Variants in C2CD4B observed in about 807,000 individuals in gnomAD.
C2CD4B encodes C2 calcium-dependent domain-containing protein 4B.
For missense variants in C2CD4B, 644 were observed against 577.7 expected, an observed-to-expected ratio of 1.11 and a Z score of -1.18; for synonymous variants, 347 against 284.9, an observed-to-expected ratio of 1.22 and a Z score of -2.20.
Position 62,163,715 on chromosome 15 carries a change from G to A in C2CD4B, c.*175C>T, listed in dbSNP as rs1239093323. The stretch of plus-strand genomic sequence containing the variant: ...ATGGGGGTCCTGTGAACAGAACAGG[G>A]AGTCATTATCTTTTTCTTCTTTACC... On this transcript the variant is annotated 3_prime_UTR_variant, in exon 2 of 2. Coordinates refer to ENST00000380392, the MANE Select transcript of C2CD4B (RefSeq NM_001007595.3). 3 of 953,258 alleles carry A rather than the reference G, an allele frequency of 3.1e-6. No homozygotes were observed. Among genetic ancestry groups the A allele is most frequent in the Non-Finnish European group, 4.3e-6 (3 of 704,432 alleles). 59.0% of individuals were successfully genotyped at this position (953,258 alleles called of 1,614,324 possible).
chr15:62,164,493 C>T lies in C2CD4B; in HGVS notation c.492G>A (p.Gln164=). 1 of 1,231,736 alleles carries T rather than the reference C, an allele frequency of 8.1e-7. No individual in the cohort carries two copies. Among genetic ancestry groups the T allele is most frequent in the Non-Finnish European group, 1.0e-6 (1 of 990,602 alleles). 76.3% of individuals were successfully genotyped at this position (1,231,736 alleles called of 1,614,324 possible). Residue 164 remains glutamine, a synonymous_variant, in exon 2 of 2, where the codon CAG becomes CAA. Transcript: ENST00000380392. ...PAAPGGPRLP[Q]DALAAGPRRC... ...GGCGGGGCCCCGCAGCGAGCGCGTC[C>T]TGGGGCAGGCGGGGACCGCCGGGGG... is the stretch of plus-strand genomic sequence containing the variant.
Position 62,164,048 on chromosome 15 carries a change from C to A in C2CD4B, c.937G>T (p.Ala313Ser), listed in dbSNP as rs780498555. 4.4e-6 allele frequency: 7 copies of A among 1,593,658 alleles called. No individual in the cohort carries two copies. The Admixed American group carries it at 1.2e-4, about 27-fold the overall frequency. ...AAGCAAAAGTCCTGGTCAAAGGAGG[C>A]CTTGCGGCTGCGCCCCACCACAGCG... The part of the protein sequence containing the change: ...CSAVVGRSRK[A>S]SFDQDFCFDG... The change falls in exon 2 of 2, where the codon GCC (alanine) becomes TCC (serine). Residue 313 changes from alanine to serine, a missense_variant. By Grantham distance (99) the Ala-to-Ser change is moderately conservative. Transcript: ENST00000380392.
At position 62,164,920 on chromosome 15, in the gene C2CD4B, G is replaced by T; in HGVS notation, c.65C>A (p.Ala22Asp). ...AGSSAPKPAF[A>D]KVLTPNRIPE... ...GATGCGATTCGGCGTGAGCACTTTG[G>T]CGAAGGCGGGCTTCGGCGCGGAGCT... Residue 22 changes from alanine (A) to aspartate (D), a missense_variant, in exon 2 of 2, where the codon GCC becomes GAC. Transcript: ENST00000380392. 6.5e-7 allele frequency: 1 copy of T among 1,537,900 alleles called. No homozygotes were observed. Among genetic ancestry groups the T allele is most frequent in the African/African-American group, 1.4e-5 (1 of 71,670 alleles).
rs769418988 is a variant in C2CD4B, at chr15:62,164,053, C to A, written c.932G>T (p.Arg311Leu). 11 of 1,590,464 alleles carry A rather than the reference C, an allele frequency of 6.9e-6. No homozygotes were observed. The highest frequency in any genetic ancestry group is 6.8e-5 in the African/African-American group (5 of 73,864). Residue 311 changes from arginine (R) to leucine (L), a missense_variant, in exon 2 of 2, where the codon CGC becomes CTC. Arg to Leu is a moderately radical substitution (Grantham distance 102, BLOSUM62 -2). Coordinates refer to ENST00000380392, the MANE Select transcript of C2CD4B (RefSeq NM_001007595.3). ...WQCSAVVGRS[R>L]KASFDQDFCF... is the part of the protein sequence containing the mutation. ...AAAGTCCTGGTCAAAGGAGGCCTTG[C>A]GGCTGCGCCCCACCACAGCGCTGCA...
In C2CD4B at chr15:62,164,518, G is replaced by T; in HGVS notation, c.467C>A (p.Ala156Asp). The T allele has an allele frequency of 1.7e-6, 2 of 1,172,618 alleles. No individual in the cohort carries two copies. Among genetic ancestry groups the T allele is most frequent in the Non-Finnish European group, 2.1e-6 (2 of 951,542 alleles). 72.6% of individuals were successfully genotyped at this position (1,172,618 alleles called of 1,614,324 possible). ...PRGPGPATPAAPGGPRLPQDA... is the reference protein window; with the variant it reads ...PRGPGPATPADPGGPRLPQDA... ...CTGGGGCAGGCGGGGACCGCCGGGG[G>T]CCGCGGGGGTGGCCGGGCCCGGACC... Residue 156 changes from alanine (A) to aspartate (D), a missense_variant, in exon 2 of 2, where the codon GCC becomes GAC. Coordinates refer to ENST00000380392, the MANE Select transcript of C2CD4B (RefSeq NM_001007595.3).
chr15:62,163,873 C>T lies in C2CD4B; in HGVS notation c.*17G>A, dbSNP rs1418536887. ...CCGGAGTCTCCAGGGCAGAGCGCCCCGGGGAGGGCTGGGCCCTCAGAGCAG... is the reference window on the plus strand; with the variant it reads ...CCGGAGTCTCCAGGGCAGAGCGCCCTGGGGAGGGCTGGGCCCTCAGAGCAG... On this transcript the variant is annotated 3_prime_UTR_variant, in exon 2 of 2. Coordinates refer to ENST00000380392, the MANE Select transcript of C2CD4B (RefSeq NM_001007595.3). 2.7e-5 allele frequency: 39 copies of T among 1,470,458 alleles called. No homozygotes were observed. The highest frequency in any genetic ancestry group is 3.3e-5 in the Non-Finnish European group (37 of 1,118,042). The allele number at this position is 1,470,458 out of a possible 1,614,324, so 91.1% of individuals were successfully genotyped here. A position where few individuals can be genotyped will look rare whatever the true frequency, so the allele number is the denominator to read the frequency against.
chr15:62,164,529 G>C lies in C2CD4B; in HGVS notation c.456C>G (p.Ala152=), dbSNP rs1334091490. The change falls in exon 2 of 2, where the codon GCC becomes GCG. Residue 152 remains alanine, a synonymous_variant. Transcript: ENST00000380392. The part of the protein sequence containing the change: ...TLCGPRGPGP[A]TPAAPGGPRL... ...GGGGACCGCCGGGGGCCGCGGGGGT[G>C]GCCGGGCCCGGACCTCGCGGGCCGC... is the stretch of plus-strand genomic sequence containing the variant. 1.7e-6 allele frequency: 2 copies of C among 1,145,612 alleles called. No individual in the cohort carries two copies. Among genetic ancestry groups the C allele is most frequent in the African/African-American group, 3.3e-5 (2 of 60,956 alleles). 71.0% of individuals were successfully genotyped at this position (1,145,612 alleles called of 1,614,324 possible).
rs1358437624 is a variant in C2CD4B, at chr15:62,165,102, G to C, written c.-40-78C>G. ...TCGACGCGGCTGGATCCCTCCCCCA[G>C]ACCCTGTAAACGTCCCCCACGTGTT... On this transcript the variant is annotated intron_variant, in intron 1 of 1. Coordinates refer to ENST00000380392, the MANE Select transcript of C2CD4B (RefSeq NM_001007595.3). 3.9e-6 allele frequency: 5 copies of C among 1,281,018 alleles called. No individual in the cohort carries two copies. In the African/African-American group the frequency reaches 4.7e-5, roughly 12 times the overall value. The allele number at this position is 1,281,018 out of a possible 1,614,324, so 79.4% of individuals were successfully genotyped here. A position where few individuals can be genotyped will look rare whatever the true frequency, so the allele number is the denominator to read the frequency against.
At position 62,165,199 on chromosome 15, in the gene C2CD4B, C is replaced by G; in HGVS notation, c.-45G>C. 2 of 527,760 alleles carry G rather than the reference C, an allele frequency of 3.8e-6. No individual in the cohort carries two copies. The highest frequency in any genetic ancestry group is 6.4e-6 in the Non-Finnish European group (2 of 312,782). 32.7% of individuals were successfully genotyped at this position (527,760 alleles called of 1,614,324 possible). A position where few individuals can be genotyped will look rare whatever the true frequency, so the allele number is the denominator to read the frequency against. On this transcript the variant is annotated 5_prime_UTR_variant, in exon 1 of 2. Coordinates refer to ENST00000380392, the MANE Select transcript of C2CD4B (RefSeq NM_001007595.3). The stretch of plus-strand genomic sequence containing the variant: ...CAAATCAGCCCCGCTTCAGACCTTT[C>G]TCTCTTCTTCAGTGTCTCTGGATCT...
At position 62,164,612 on chromosome 15, in the gene C2CD4B, G is replaced by A. The variant is rs901217849; in HGVS notation, c.373C>T (p.Pro125Ser). 1.7e-5 allele frequency: 21 copies of A among 1,267,270 alleles called. No individual in the cohort carries two copies. The highest frequency in any genetic ancestry group is 7.9e-6 in the Non-Finnish European group (8 of 1,011,728). 78.5% of individuals were successfully genotyped at this position (1,267,270 alleles called of 1,614,324 possible). ...LLLGGPPAPRPRAHSCGGGGG... is the reference protein window; with the variant it reads ...LLLGGPPAPRSRAHSCGGGGG... ...CCGCCGCCGCAGCTGTGGGCCCGGG[G>A]CCGGGGCGCGGGCGGGCCCCCGAGC... Residue 125 changes from proline (P) to serine (S), a missense_variant, in exon 2 of 2, where the codon CCC (proline) becomes TCC (serine). Physicochemically the swap from Pro to Ser is moderately conservative, Grantham distance 74 (BLOSUM62 -1). Transcript: ENST00000380392.
chr15:62,164,532 C>A lies in C2CD4B; in HGVS notation c.453G>T (p.Pro151=). 1 of 1,145,028 alleles carries A rather than the reference C, an allele frequency of 8.7e-7. No individual in the cohort carries two copies. The highest frequency in any genetic ancestry group is 1.1e-6 in the Non-Finnish European group (1 of 934,226). The allele number at this position is 1,145,028 out of a possible 1,614,324, so 70.9% of individuals were successfully genotyped here. ...GTLCGPRGPG[P]ATPAAPGGPR... ...GACCGCCGGGGGCCGCGGGGGTGGC[C>A]GGGCCCGGACCTCGCGGGCCGCACA... Residue 151 remains proline, a synonymous_variant, in exon 2 of 2, where the codon CCG becomes CCT. Coordinates refer to ENST00000380392, the MANE Select transcript of C2CD4B (RefSeq NM_001007595.3).
In C2CD4B at chr15:62,163,767, G is replaced by T; in HGVS notation, c.*123C>A. The T allele has an allele frequency of 1.6e-6, 2 of 1,251,788 alleles. No homozygotes were observed. Among genetic ancestry groups the T allele is most frequent in the Non-Finnish European group, 2.1e-6 (2 of 970,668 alleles). The allele number at this position is 1,251,788 out of a possible 1,614,324, so 77.5% of individuals were successfully genotyped here. ...ATAGACGATGACAAATGTGGATGGT[G>T]AGGAAGTAAAACGTCAATAAAGCAG... On this transcript the variant is annotated 3_prime_UTR_variant, in exon 2 of 2. Transcript: ENST00000380392.
chr15:62,164,740 G>C lies in C2CD4B; in HGVS notation c.245C>G (p.Ser82Trp). The C allele has an allele frequency of 6.8e-7, 1 of 1,478,862 alleles. No individual in the cohort carries two copies. The highest frequency in any genetic ancestry group is 8.9e-7 in the Non-Finnish European group (1 of 1,124,956). 91.6% of individuals were successfully genotyped at this position (1,478,862 alleles called of 1,614,324 possible). The change falls in exon 2 of 2, where the codon TCG becomes TGG. Residue 82 changes from serine (S) to tryptophan (W), a missense_variant. By Grantham distance (177) the Ser-to-Trp change is radical. Coordinates refer to ENST00000380392, the MANE Select transcript of C2CD4B (RefSeq NM_001007595.3). ...DAGRTDWDPR[S>W]QAALSLPHLP... ...GTGCGGCAGTGACAGCGCTGCCTGC[G>C]AGCGCGGGTCCCAGTCCGTGCGGCC...
At position 62,164,329 on chromosome 15, in the gene C2CD4B, G is replaced by A; in HGVS notation, c.656C>T (p.Ala219Val). The A allele has an allele frequency of 3.6e-6, 5 of 1,402,056 alleles. No homozygotes were observed. The highest frequency in any genetic ancestry group is 4.6e-6 in the Non-Finnish European group (5 of 1,087,734). The allele number at this position is 1,402,056 out of a possible 1,614,324, so 86.9% of individuals were successfully genotyped here. Residue 219 changes from alanine to valine, a missense_variant, in exon 2 of 2, where the codon GCC (alanine) becomes GTC (valine). Physicochemically the swap from Ala to Val is moderately conservative, Grantham distance 64 (BLOSUM62 0). Transcript: ENST00000380392. ...CAGCGGGCTCGAGGAGGGGGCCCGGGCCGGGGACTCGGATCCCGCGCGGCG... is the reference window on the plus strand; with the variant it reads ...CAGCGGGCTCGAGGAGGGGGCCCGGACCGGGGACTCGGATCCCGCGCGGCG... ...EERRAGSESPARAPSSSPLSS... is the reference protein window; with the variant it reads ...EERRAGSESPVRAPSSSPLSS...
At position 62,165,218 on chromosome 15, in the gene C2CD4B, T is replaced by C. The variant is rs2049604290; in HGVS notation, c.-64A>G. The C allele has an allele frequency of 6.1e-6, 3 of 490,886 alleles. No individual in the cohort carries two copies. The South Asian group carries it at 1.1e-4, about 19-fold the overall frequency. 30.4% of individuals were successfully genotyped at this position (490,886 alleles called of 1,614,324 possible). A position where few individuals can be genotyped will look rare whatever the true frequency, so the allele number is the denominator to read the frequency against. ...ACCTTTCTCTCTTCTTCAGTGTCTC[T>C]GGATCTGGTTGCAAGCTCAGTGCCA... On this transcript the variant is annotated 5_prime_UTR_variant, in exon 1 of 2. Coordinates refer to ENST00000380392, the MANE Select transcript of C2CD4B (RefSeq NM_001007595.3).
In C2CD4B at chr15:62,164,099, G is replaced by A; in HGVS notation, c.886C>T (p.Pro296Ser). 1 of 1,520,198 alleles carries A rather than the reference G, an allele frequency of 6.6e-7. No homozygotes were observed. The highest frequency in any genetic ancestry group is 1.2e-5 in the South Asian group (1 of 81,276). 94.2% of individuals were successfully genotyped at this position (1,520,198 alleles called of 1,614,324 possible). ...CTGCATTGCCAACGCGCAGTGCCCG[G>A]CGGCCGCAGGACGAGGCTGAGGCGG... ...RCRLSLVLRP[P>S]GTARWQCSAV... is the part of the protein sequence containing the mutation. Residue 296 changes from proline to serine, a missense_variant, in exon 2 of 2, where the codon CCG (proline) becomes TCG (serine). Coordinates refer to ENST00000380392, the MANE Select transcript of C2CD4B (RefSeq NM_001007595.3).
Position 62,164,606 on chromosome 15 carries a change from C to T in C2CD4B, c.379G>A (p.Ala127Thr). 11 of 1,252,084 alleles carry T rather than the reference C, an allele frequency of 8.8e-6. No individual in the cohort carries two copies. The highest frequency in any genetic ancestry group is 1.1e-5 in the Non-Finnish European group (11 of 1,003,210). The allele number at this position is 1,252,084 out of a possible 1,614,324, so 77.6% of individuals were successfully genotyped here. Residue 127 changes from alanine to threonine, a missense_variant, in exon 2 of 2, where the codon GCC (alanine) becomes ACC (threonine). Physicochemically the swap from Ala to Thr is moderately conservative, Grantham distance 58. Coordinates refer to ENST00000380392, the MANE Select transcript of C2CD4B (RefSeq NM_001007595.3). The part of the protein sequence containing the change: ...LGGPPAPRPR[A>T]HSCGGGGGPD... ...CCTCCGCCGCCGCCGCAGCTGTGGG[C>T]CCGGGGCCGGGGCGCGGGCGGGCCC...
Position 62,163,863 on chromosome 15 carries a change from C to G in C2CD4B, c.*27G>C, listed in dbSNP as rs1477705940. 6.9e-7 allele frequency: 1 copy of G among 1,458,870 alleles called. No individual in the cohort carries two copies. The highest frequency in any genetic ancestry group is 1.5e-5 in the African/African-American group (1 of 68,406). 90.4% of individuals were successfully genotyped at this position (1,458,870 alleles called of 1,614,324 possible). On this transcript the variant is annotated 3_prime_UTR_variant, in exon 2 of 2. Transcript: ENST00000380392. ...CTGTCAGTGTCCGGAGTCTCCAGGG[C>G]AGAGCGCCCCGGGGAGGGCTGGGCC...
In C2CD4B at chr15:62,164,419, C is replaced by T. The variant is rs1475167041; in HGVS notation, c.566G>A (p.Arg189Gln). 1.2e-5 allele frequency: 17 copies of T among 1,403,350 alleles called. No homozygotes were observed. Among genetic ancestry groups the T allele is most frequent in the South Asian group, 1.5e-5 (1 of 64,634 alleles). 86.9% of individuals were successfully genotyped at this position (1,403,350 alleles called of 1,614,324 possible). A position where few individuals can be genotyped will look rare whatever the true frequency, so the allele number is the denominator to read the frequency against. The change falls in exon 2 of 2, where the codon CGG becomes CAG. Residue 189 changes from arginine to glutamine, a missense_variant. Arg to Gln is a conservative substitution (Grantham distance 43). Transcript: ENST00000380392. The part of the protein sequence containing the change: ...VPDGLLSRAL[R>Q]AGRSRRLARV... ...GGCCAGGCGGCGACTCCTTCCAGCC[C>T]GCAGCGCGCGACTCAGCAGCCCGTC...
Sources: allele counts gnomAD v4.1 joint callset, GRCh38; gene constraint gnomAD v4.1.1; transcripts MANE v1.5; gene names NCBI Gene and HGNC (gene_info 2026-07-23, HGNC 2026-07-21).